The following ACSM4 variants were observed in gnomAD, a reference collection of about 807,000 sequenced individuals.
ACSM4 encodes the protein acyl-CoA synthetase medium chain family member 4.
ACSM4 carries 66 observed loss-of-function variants against 73.0 expected under a neutral mutation model. The observed-to-expected ratio is 0.90, with a 90% CI of 0.74 to 1.11. ACSM4 has a LOEUF of 1.11. ACSM4 is among the 50% of genes least tolerant of loss of function. The pLI, the probability that ACSM4 is intolerant of heterozygous loss-of-function variation, is 0.00. For missense variants in ACSM4, 645 were observed against 714.4 expected, an observed-to-expected ratio of 0.90 and a Z score of 1.11; for synonymous variants, 222 against 254.0, an observed-to-expected ratio of 0.87 and a Z score of 1.20.
intron 2 of ACSM4, among the ~76,000 whole-genome samples, chr12:7,308,436 A>G (rs1946372707): frequency 6.6e-6 from 1 of 152,218 alleles, no homozygotes; most frequent in African/African-American, 2.4e-5. Flanking sequence ...TTCAATGAGA[A>G]TATTGAAATT....
At position 7,304,387 on chromosome 12, in the gene ACSM4, C is replaced by G; in HGVS notation, c.56C>G (p.Pro19Arg). The G allele has an allele frequency of 3.7e-6, 6 of 1,613,896 alleles. No individual in the cohort carries two copies. The highest frequency in any genetic ancestry group is 5.1e-6 in the Non-Finnish European group (6 of 1,179,786). The change falls in exon 1 of 13, where the codon CCT (proline) becomes CGT (arginine). Residue 19 changes from proline to arginine, a missense_variant. Transcript: ENST00000399422. ...AGATTCATCTGGCTCACCAAGCCACCTGGCCGGCGCTTACACAAAGATCAC... is the reference window on the plus strand; with the variant it reads ...AGATTCATCTGGCTCACCAAGCCACGTGGCCGGCGCTTACACAAAGATCAC... ...TFRFIWLTKP[P>R]GRRLHKDHQL...
intron 11 of ACSM4, among the ~76,000 whole-genome samples, chr12:7,326,079 G>C (rs1220487819): frequency 3.3e-5 from 5 of 152,158 alleles, no homozygotes; most frequent in Non-Finnish European, 7.3e-5. Flanking sequence ...TATAAATTAT[G>C]CTTACTAACC....
intron 11 of ACSM4, 92 bp from the exon 12 acceptor site, chr12:7,326,884 T>C (rs1322745100): frequency 2.9e-6 from 4 of 1,364,938 alleles, no homozygotes; most frequent in Non-Finnish European, 3.9e-6. Context: ...CTGTTATTAA[T>C]AAATAGTAAG....
intron 12 of ACSM4, among the ~76,000 whole-genome samples, chr12:7,327,425 A>G (rs1480573304): frequency 6.6e-6 from 1 of 152,164 alleles, no homozygotes; most frequent in Non-Finnish European, 1.5e-5. Flanking sequence ...TGATTCACCT[A>G]TCTCAGTACT....
intron 4 of ACSM4, among the ~76,000 whole-genome samples, chr12:7,317,697 T>C (rs1316789510): frequency 2.0e-5 from 3 of 152,222 alleles, no homozygotes; most frequent in Non-Finnish European, 2.9e-5. Context: ...TCTGTCACCC[T>C]AAAATAAGAG....
At chr12:7,308,447 G>T (rs1300101999) in intron 2 of ACSM4, among the ~76,000 whole-genome samples, 7 of 152,126 alleles carry the variant, frequency 4.6e-5, no homozygotes, top group African/African-American at 1.7e-4. Context: ...TATTGAAATT[G>T]TTTGTACTAT....
chr12:7,304,783 T>C (rs933287055), intron 1 of ACSM4, among the ~76,000 whole-genome samples: 3 of 152,236 alleles, frequency 2.0e-5, no homozygotes, highest in Non-Finnish European at 4.4e-5. Context: ...TTCTGCCTCT[T>C]TTCCTTCTCT....
chr12:7,314,652 G>C (rs1946409022), intron 3 of ACSM4, among the ~76,000 whole-genome samples: 1 of 152,120 alleles, frequency 6.6e-6, no homozygotes, highest in Non-Finnish European at 1.5e-5. Context: ...GATAGATAGA[G>C]AGATAGATGC....
At chr12:7,317,912 A>T in intron 4 of ACSM4, 114 bp from the exon 5 acceptor site, 2 of 1,150,116 alleles carry the variant, frequency 1.7e-6, no homozygotes, top group Non-Finnish European at 2.4e-6. Context: ...GCTTCTTTTG[A>T]CCCTTCTCTG....
chr12:7,310,612 C>A lies in ACSM4; in HGVS notation c.486C>A (p.Ala162=), dbSNP rs1489415980. Residue 162 remains alanine (A), a synonymous_variant, in exon 3 of 13, where the codon GCC becomes GCA. Coordinates refer to ENST00000399422, the MANE Select transcript of ACSM4 (RefSeq NM_001080454.2). ...DILYRLRASK[A]KCIVASEEVA... ...TCTACCGGCTGCGAGCATCCAAGGC[C>A]AAGTGCATTGTGGCCAGTGAGGAGG... The A allele has an allele frequency of 6.2e-7, 1 of 1,613,150 alleles. No individual in the cohort carries two copies. The highest frequency in any genetic ancestry group is 1.3e-5 in the African/African-American group (1 of 75,034).
At position 7,322,497 on chromosome 12, in the gene ACSM4, C is replaced by T. The variant is rs745635896; in HGVS notation, c.1081C>T (p.Gln361Ter). 1 of 1,613,720 alleles carries T rather than the reference C, an allele frequency of 6.2e-7. No homozygotes were observed. Among genetic ancestry groups the T allele is most frequent in the African/African-American group, 1.3e-5 (1 of 74,906 alleles). Residue 361 changes from glutamine (Q) to a stop codon, truncating the protein, a stop_gained, in exon 7 of 13, where the codon CAA becomes TAA. Transcript: ENST00000399422. LOFTEE classifies it high-confidence loss of function. ...NPEVLEQWRV[Q>*]TGLELYEGYG... ...AGAAGTGCTGGAGCAGTGGAGGGTGCAAACTGGGCTGGAGCTATATGAGGG... is the reference window on the plus strand; with the variant it reads ...AGAAGTGCTGGAGCAGTGGAGGGTGTAAACTGGGCTGGAGCTATATGAGGG...
chr12:7,324,155 C>CAA (rs34096837), intron 9 of ACSM4, 118 bp from the exon 10 acceptor site: 1,786 of 997,302 alleles, frequency 1.8e-3, no homozygotes, highest in Non-Finnish European at 2.0e-3. Context: ...GACTCTGTCT[C>CAA]AAAAAAAAAA....
chr12:7,320,813 G>A lies in ACSM4; in HGVS notation c.1001+9G>A, dbSNP rs1447241418. The stretch of plus-strand genomic sequence containing the variant: ...CAAAAAGACCTTAAGAGGTACTTGG[G>A]CAGAAATCTCCATTTGAACCACAAA... On this transcript the variant is annotated intron_variant, in intron 6 of 12. Coordinates refer to ENST00000399422, the MANE Select transcript of ACSM4 (RefSeq NM_001080454.2). 1.9e-6 allele frequency: 3 copies of A among 1,603,484 alleles called. No individual in the cohort carries two copies. The highest frequency in any genetic ancestry group is 2.6e-6 in the Non-Finnish European group (3 of 1,170,822).
rs201045372 is a variant in ACSM4, at chr12:7,324,299, G to A, written c.1335G>A (p.Thr445=). 18 of 1,613,192 alleles carry A rather than the reference G, an allele frequency of 1.1e-5. No homozygotes were observed. The highest frequency in any genetic ancestry group is 9.3e-5 in the African/African-American group (7 of 74,892). The change falls in exon 10 of 13, where the codon ACG becomes ACA. Residue 445 remains threonine, a synonymous_variant. Transcript: ENST00000399422. Reference sequence around the variant, plus strand: ...ACAATCCACAGAAAACTGCTGCCACGATAAGAGGAGATTTTTATGTCACTG... The same window carrying A: ...ACAATCCACAGAAAACTGCTGCCACAATAAGAGGAGATTTTTATGTCACTG... ...YVDNPQKTAA[T]IRGDFYVTGD... is the part of the protein sequence containing the mutation.
chr12:7,311,866 T>C (rs1192688393), intron 3 of ACSM4, among the ~76,000 whole-genome samples: 1 of 152,150 alleles, frequency 6.6e-6, no homozygotes, highest in Non-Finnish European at 1.5e-5. Context: ...ATTTTTGTAT[T>C]TTTAGTAGAA....
chr12:7,307,181 G>T (rs1441906528), intron 2 of ACSM4, among the ~76,000 whole-genome samples: 1 of 152,160 alleles, frequency 6.6e-6, no homozygotes, highest in Non-Finnish European at 1.5e-5. Flanking sequence ...GTGAACCCGG[G>T]AGGTGGAGGT....
chr12:7,317,320 C>G (rs1363939090), intron 4 of ACSM4, 40 bp downstream of exon 4: 4 of 1,525,998 alleles, frequency 2.6e-6, no homozygotes, highest in African/African-American at 2.8e-5. Context: ...TGAACTCCCC[C>G]AAAGCTGCGA....
chr12:7,317,423 G>C, intron 4 of ACSM4, 143 bp downstream of exon 4: 1 of 1,172,302 alleles, frequency 8.5e-7, no homozygotes, highest in Non-Finnish European at 1.1e-6. Flanking sequence ...TGCTGGCCCC[G>C]CCCAACCTAG....
At chr12:7,317,791 C>A (rs1946432573) in intron 4 of ACSM4, among the ~76,000 whole-genome samples, 1 of 152,108 alleles carries the variant, frequency 6.6e-6, no homozygotes, top group African/African-American at 2.4e-5. Flanking sequence ...CATCAATGGA[C>A]AAACTCAAAA....
Sources: allele counts gnomAD v4.1 joint callset (sites outside exome capture counted in the v4.1 genomes callset), GRCh38; gene constraint gnomAD v4.1.1; transcripts MANE v1.5; gene names NCBI Gene and HGNC (gene_info 2026-07-23, HGNC 2026-07-21).